The following COL18A1 variants were observed in gnomAD, a reference collection of about 807,000 sequenced individuals.
COL18A1 encodes collagen type XVIII alpha 1 chain, also known as collagen alpha-1(XVIII) chain.
Under a neutral mutation model 168.0 loss-of-function variants are expected in COL18A1, and 133 were observed. The observed-to-expected ratio is 0.79, with a 90% CI of 0.69 to 0.91. The LOEUF is 0.91. Ranked by LOEUF, COL18A1 falls within the 40% of genes least tolerant of loss-of-function variation. The pLI is 0.00. For synonymous variants in COL18A1, 949 were observed against 809.0 expected, an observed-to-expected ratio of 1.17 and a Z score of -2.94; for missense variants, 2,126 against 1,925.4, an observed-to-expected ratio of 1.10 and a Z score of -1.95.
rs915060136 is a variant in COL18A1 at position 45,476,572 on chromosome 21, G to A, written c.928+92G>A. On this transcript the variant is annotated intron_variant, in intron 6 of 41. Coordinates refer to ENST00000651438, the MANE Select transcript of COL18A1 (RefSeq NM_001379500.1). ...TGTGATGGTGAGGTATGTGTGTGATGTATGGTGTGTGTAGTGTGTGGTGTA... is the reference window on the plus strand; with the variant it reads ...TGTGATGGTGAGGTATGTGTGTGATATATGGTGTGTGTAGTGTGTGGTGTA... 2.7e-6 allele frequency: 4 copies of A among 1,463,684 alleles called. No homozygotes were observed. The East Asian group carries it at 9.9e-5, about 36-fold the overall frequency. 90.7% of individuals were successfully genotyped at this position (1,463,684 alleles called of 1,614,324 possible).
intron 2 of COL18A1, among the ~76,000 whole-genome samples, chr21:45,434,307 G>A (rs1004649500): frequency 2.0e-5 from 3 of 152,146 alleles, no homozygotes; most frequent in Admixed American, 6.5e-5. Flanking sequence ...GGGGACAGGC[G>A]GCCCGTGCTG....
At chr21:45,422,700 C>A (rs532920733) in intron 2 of COL18A1, 1 of 310,002 alleles carries the variant, frequency 3.2e-6, no homozygotes, top group East Asian at 1.1e-4. Flanking sequence ...CAGGTCAGGC[C>A]ACTGGGTGAG....
Position 45,498,021 on chromosome 21 carries a change from C to T in COL18A1, c.2683+360C>T, listed in dbSNP as rs79681902. Among the ~76,000 whole-genome samples, 12,946 of 152,218 alleles carry T rather than the reference C, an allele frequency of 0.085. 626 individuals are homozygous for T. Among genetic ancestry groups the T allele is most frequent in the South Asian group, 0.12 (563 of 4,824 alleles). ...CCGGGGGTCGGCACTGGAGGACCCT[C>T]TGTCGAGAAACTCTCCAGGGTTTCA... On this transcript the variant is annotated intron_variant, in intron 32 of 41. Transcript: ENST00000651438. This position sits in a 1 kb window ranked among gnomAD's most constrained non-coding sequence, Gnocchi z 4.5.
chr21:45,505,561 A>G, intron 36 of COL18A1, 130 bp downstream of exon 36: 1 of 697,890 alleles, frequency 1.4e-6, no homozygotes, highest in Non-Finnish European at 2.5e-6. Context: ...TGCGGTTTCC[A>G]GGGTGGAAGC....
At chr21:45,448,222 G>A (rs1372495432) in intron 2 of COL18A1, among the ~76,000 whole-genome samples, 2 of 152,078 alleles carry the variant, frequency 1.3e-5, no homozygotes, top group Admixed American at 1.3e-4. Context: ...CCTTCCATTC[G>A]ACTCACAAGC....
intron 2 of COL18A1, among the ~76,000 whole-genome samples, chr21:45,429,200 C>T (rs1009331163): frequency 2.6e-5 from 4 of 152,182 alleles, no homozygotes; most frequent in African/African-American, 4.8e-5. Flanking sequence ...CGCGCCCAGC[C>T]GAGACTACAG....
intron 2 of COL18A1, chr21:45,424,418 A>G (rs1216596882): frequency 6.6e-6 from 1 of 152,276 alleles, no homozygotes; most frequent in Non-Finnish European, 1.5e-5. Flanking sequence ...GCTGTGGGTT[A>G]GCCGTGGGTC....
intron 2 of COL18A1, among the ~76,000 whole-genome samples, chr21:45,411,770 G>T (rs957920923): frequency 9.5e-5 from 13 of 136,856 alleles, no homozygotes; most frequent in East Asian, 3.4e-4. Context: ...GGGGGGTGGG[G>T]GGGGGGCAGG....
At chr21:45,439,652 G>C (rs2034314766) in intron 2 of COL18A1, among the ~76,000 whole-genome samples, 1 of 152,354 alleles carries the variant, frequency 6.6e-6, no homozygotes, top group South Asian at 2.1e-4. Flanking sequence ...GGGGCCTCCG[G>C]GTCTGCGAGC....
Position 45,512,490 on chromosome 21 carries a change from A to AGGGC in COL18A1, c.*94_*95insGCGG. On this transcript the variant is annotated 3_prime_UTR_variant, in exon 42 of 42. Coordinates refer to ENST00000651438, the MANE Select transcript of COL18A1 (RefSeq NM_001379500.1). The stretch of plus-strand genomic sequence containing the variant: ...GAGCGGCCGGCCAGCCCCTGGCCCC[A>AGGGC]GGACCTGGCTGCCATACTTTCCTGT... The AGGGC allele has an allele frequency of 8.3e-7, 1 of 1,206,840 alleles. No individual in the cohort carries two copies. The highest frequency in any genetic ancestry group is 1.2e-6 in the Non-Finnish European group (1 of 836,290). 74.8% of individuals were successfully genotyped at this position (1,206,840 alleles called of 1,614,324 possible).
rs79170909 is a variant in COL18A1, at chr21:45,468,074, G to A, written c.107-168G>A. On this transcript the variant is annotated intron_variant, in intron 2 of 41. Transcript: ENST00000651438. ...TGGGAATGAGTGAACCAGGGTGGCC[G>A]TTGGGTGGCTGAGCCCAGGGGATCA... 0.03 allele frequency among the ~76,000 whole-genome samples: 4,548 copies of A among 152,310 alleles called. 237 individuals are homozygous for A. Among genetic ancestry groups the A allele is most frequent in the African/African-American group, 0.1 (4,294 of 41,560 alleles).
Position 45,457,910 on chromosome 21 carries a change from C to T in COL18A1, c.107-10332C>T, listed in dbSNP as rs549955152. Among the ~76,000 whole-genome samples the T allele has an allele frequency of 2.5e-4, 38 of 152,198 alleles. 1 individual carries two copies. Among genetic ancestry groups the T allele is most frequent in the Non-Finnish European group, 4.1e-4 (28 of 68,000 alleles). On this transcript the variant is annotated intron_variant, in intron 2 of 41. Transcript: ENST00000651438. This position sits in a 1 kb window ranked among gnomAD's most constrained non-coding sequence, Gnocchi z 4.6. ...TGGTGGACGCCCACCCACCAGGCTCCGTGAGGGATGACGAGCTTGGTGATT... is the reference window on the plus strand; with the variant it reads ...TGGTGGACGCCCACCCACCAGGCTCTGTGAGGGATGACGAGCTTGGTGATT...
At chr21:45,421,572 A>T (rs754290932) in intron 2 of COL18A1, 2 of 534,528 alleles carry the variant, frequency 3.7e-6, no homozygotes, top group South Asian at 2.8e-5. Context: ...TCGGCCTTCC[A>T]TTTCTTAAAT....
At chr21:45,509,991 G>C (rs2037479043) in intron 39 of COL18A1, 73 bp from the exon 40 acceptor site, 1 of 1,498,752 alleles carries the variant, frequency 6.7e-7, no homozygotes, top group Admixed American at 2.0e-5. Context: ...TGCGGGGCCG[G>C]GGTGGTGCGC....
At chr21:45,476,943 G>A (rs1429067983) in intron 6 of COL18A1, among the ~76,000 whole-genome samples, 1 of 151,980 alleles carries the variant, frequency 6.6e-6, no homozygotes, top group Non-Finnish European at 1.5e-5. Flanking sequence ...GTGTGTGTGT[G>A]TGTGTGTGGC....
At chr21:45,434,605 G>C (rs1302850781) in intron 2 of COL18A1, among the ~76,000 whole-genome samples, 1 of 151,978 alleles carries the variant, frequency 6.6e-6, no homozygotes, top group Non-Finnish European at 1.5e-5. Context: ...TCATGGAGAA[G>C]AACCCAGTGC....
intron 28 of COL18A1, 125 bp from the exon 29 acceptor site, chr21:45,495,232 TG>T: frequency 1.3e-6 from 1 of 796,148 alleles, no homozygotes; most frequent in Non-Finnish European, 2.1e-6. Flanking sequence ...GCCTGAGAGC[TG>T]GGAACGTGTG....
rs1491496215 is a variant in COL18A1, at chr21:45,405,318, GCC to G, written c.12-60_12-59del. Reference sequence around the variant, plus strand: ...GGGGTCGCGGGGGTCGCGGGGCTCGGCCGGGTCCTGCGGGGGTCGCGGGGGTC... The same window carrying G: ...GGGGTCGCGGGGGTCGCGGGGCTCGGGGGTCCTGCGGGGGTCGCGGGGGTC... On this transcript the variant is annotated intron_variant, in intron 1 of 41. Transcript: ENST00000651438. 1.1e-3 allele frequency: 1,072 copies of G among 948,810 alleles called. 5 individuals are homozygous for G. The highest frequency in any genetic ancestry group is 2.4e-3 in the Admixed American group (51 of 21,018). The allele number at this position is 948,810 out of a possible 1,614,324, so 58.8% of individuals were successfully genotyped here.
In COL18A1 at chr21:45,512,088, C is replaced by G. The variant is rs934416176; in HGVS notation, c.3810-100C>G. On this transcript the variant is annotated intron_variant, in intron 41 of 41. Coordinates refer to ENST00000651438, the MANE Select transcript of COL18A1 (RefSeq NM_001379500.1). ...AGCCTCTGCAGCCCCCTGGTAACCC[C>G]AGGGCTGGCCTCCTGCCTCCACCTT... 8 of 1,334,904 alleles carry G rather than the reference C, an allele frequency of 6.0e-6. No homozygotes were observed. The Admixed American group carries it at 9.9e-5, about 16-fold the overall frequency. The allele number at this position is 1,334,904 out of a possible 1,614,324, so 82.7% of individuals were successfully genotyped here. A position where few individuals can be genotyped will look rare whatever the true frequency, so the allele number is the denominator to read the frequency against.
Sources: allele counts gnomAD v4.1 joint callset (sites outside exome capture counted in the v4.1 genomes callset), GRCh38; gene constraint gnomAD v4.1.1; non-coding constraint Gnocchi (gnomAD v3.1); transcripts MANE v1.5; gene names NCBI Gene and HGNC (gene_info 2026-07-23, HGNC 2026-07-21).